SPATA9: variants seen among roughly 807,000 people sequenced by gnomAD.
The protein encoded by SPATA9 is spermatogenesis associated 9, also known as spermatogenesis-associated protein 9.
In SPATA9, 27 loss-of-function variants were observed where a neutral mutation model predicts 25.5. The observed-to-expected ratio is 1.06, with a 90% CI of 0.78 to 1.46. The LOEUF (loss-of-function observed/expected upper bound fraction) is 1.46. Among genes scored for constraint, SPATA9 ranks in the 40% most tolerant of loss-of-function variants. SPATA9 has a pLI of 0.00. For synonymous variants in SPATA9, 102 were observed against 105.7 expected (o/e 0.97, Z 0.21); for missense variants, 282 against 297.5 (o/e 0.95, Z 0.38).
At chr5:95,656,333 ATGT>A (rs1561389581), downstream of SPATA9, 10 of 1,557,088 alleles carry the variant, frequency 6.4e-6, no homozygotes, top group East Asian at 2.2e-5. Context: ...GAAATGAAAA[ATGT>A]TGTGTATGCT....
the SPATA9 span, among the ~76,000 whole-genome samples, chr5:95,724,880 A>G: frequency 7.2e-5 from 11 of 152,282 alleles, no homozygotes; most frequent in Non-Finnish European, 1.0e-4. Flanking sequence ...CATGGTAAGT[A>G]TACTTAAGTA....
At chr5:95,663,420 C>T (rs1751459773) in intron 4 of SPATA9, among the ~76,000 whole-genome samples, 1 of 152,022 alleles carries the variant, frequency 6.6e-6, no homozygotes, top group Non-Finnish European at 1.5e-5. Flanking sequence ...GTTTCTTGAC[C>T]TGGGTAGTAT....
intron 3 of SPATA9, among the ~76,000 whole-genome samples, chr5:95,671,401 G>A (rs2112614388): frequency 6.6e-6 from 1 of 152,200 alleles, no homozygotes; most frequent in Admixed American, 6.5e-5. Flanking sequence ...TGCATATCAG[G>A]TTTTCAATAA....
chr5:95,665,965 A>G (rs551728770), intron 3 of SPATA9, among the ~76,000 whole-genome samples: 1 of 152,276 alleles, frequency 6.6e-6, no homozygotes, highest in South Asian at 2.1e-4. Context: ...GCAAAACTCC[A>G]TCTCAAAATA....
chr5:95,715,047 C>T, the SPATA9 span, among the ~76,000 whole-genome samples: 9 of 151,930 alleles, frequency 5.9e-5, no homozygotes, highest in Non-Finnish European at 7.4e-5. Context: ...AGATTGTGGC[C>T]GGGTGTGGTG....
At chr5:95,712,900 CTTT>C in the SPATA9 span, among the ~76,000 whole-genome samples, 1 of 151,878 alleles carries the variant, frequency 6.6e-6, no homozygotes, top group Non-Finnish European at 1.5e-5. Context: ...TTTTTAATTG[CTTT>C]TTTTATCAAT....
intron 1 of SPATA9, among the ~76,000 whole-genome samples, chr5:95,695,025 T>C (rs891661993): frequency 1.3e-5 from 2 of 152,334 alleles, no homozygotes; most frequent in Admixed American, 6.5e-5. Context: ...TTAAGTGATG[T>C]GTTTCCAGAT....
At chr5:95,731,733 T>A in the SPATA9 span, 1 of 1,612,382 alleles carries the variant, frequency 6.2e-7, no homozygotes, top group South Asian at 1.1e-5. Flanking sequence ...GCGCGTGCCG[T>A]GCGCCCCAGG....
chr5:95,696,612 C>T (rs1024156508), intron 1 of SPATA9, among the ~76,000 whole-genome samples: 1 of 152,226 alleles, frequency 6.6e-6, no homozygotes, highest in Non-Finnish European at 1.5e-5. Flanking sequence ...CACGGTGGCT[C>T]ATGCCTCTAA....
In SPATA9 at chr5:95,662,947, G is replaced by GACTT. The variant is rs1275375723; in HGVS notation, c.474+1002_474+1005dup. The stretch of plus-strand genomic sequence containing the variant: ...GTCAGTAATGATGTGGAGCAACTTG[G>GACTT]ACTTAAAACTGAGATTTGTGTTAAT... On this transcript the variant is annotated intron_variant, in intron 4 of 4. Coordinates refer to ENST00000274432, the MANE Select transcript of SPATA9 (RefSeq NM_031952.4). 2.0e-5 allele frequency among the ~76,000 whole-genome samples: 3 copies of GACTT among 152,280 alleles called. No individual in the cohort carries two copies. The East Asian group carries it at 5.8e-4, about 29-fold the overall frequency.
upstream of SPATA9, among the ~76,000 whole-genome samples, chr5:95,686,590 T>A (rs2112699961): frequency 6.6e-6 from 1 of 152,328 alleles, no homozygotes; most frequent in South Asian, 2.1e-4. Context: ...CAATCGAGCG[T>A]GCAGAAGAAG....
upstream of SPATA9, among the ~76,000 whole-genome samples, chr5:95,702,628 C>A: frequency 6.6e-6 from 1 of 152,152 alleles, no homozygotes. Flanking sequence ...GTAATCCCAG[C>A]ACTTTCAGAG....
chr5:95,655,489 A>T (rs1750691597), downstream of SPATA9: 1 of 152,484 alleles, frequency 6.6e-6, no homozygotes, highest in African/African-American at 2.4e-5. Context: ...CCAACCCCTT[A>T]GACCTACTAC....
the SPATA9 span, chr5:95,731,834 C>T: frequency 8.7e-6 from 14 of 1,605,118 alleles, no homozygotes; most frequent in Non-Finnish European, 1.2e-5. Flanking sequence ...CTTCCCTTCT[C>T]CCCTCGCCCC....
the SPATA9 span, among the ~76,000 whole-genome samples, chr5:95,716,086 G>A: frequency 6.6e-6 from 1 of 152,234 alleles, no homozygotes; most frequent in Non-Finnish European, 1.5e-5. Context: ...GGAGAGTAGA[G>A]AGGATAGAGA....
the SPATA9 span, chr5:95,731,726 C>G: frequency 6.2e-7 from 1 of 1,612,566 alleles, no homozygotes; most frequent in Non-Finnish European, 8.5e-7. Context: ...CTCTCCAGCG[C>G]GTGCCGTGCG....
At chr5:95,731,905 C>A in the SPATA9 span, 1 of 1,614,088 alleles carries the variant, frequency 6.2e-7, no homozygotes, top group Non-Finnish European at 8.5e-7. Flanking sequence ...CACATTCCAC[C>A]AGGACAACCG....
the SPATA9 span, among the ~76,000 whole-genome samples, chr5:95,728,298 T>C: frequency 6.6e-6 from 1 of 152,224 alleles, no homozygotes; most frequent in African/African-American, 2.4e-5. Flanking sequence ...ATGCCAGCAC[T>C]AACTTCATCT....
the SPATA9 span, chr5:95,713,660 A>G: frequency 6.6e-6 from 1 of 152,130 alleles, no homozygotes; most frequent in Non-Finnish European, 1.5e-5. Context: ...GTGTGAGAAG[A>G]GACTAACACA....
Sources: gnomAD v4.1 joint callset for allele counts (sites outside exome capture counted in the v4.1 genomes callset) on GRCh38, gnomAD v4.1.1 for gene constraint, MANE v1.5 for transcripts, NCBI Gene and HGNC (gene_info 2026-07-23, HGNC 2026-07-21) for gene names.